Variants in SYCE2 observed in about 807,000 individuals in gnomAD.
SYCE2 encodes the protein synaptonemal complex central element protein 2, also known as central element synaptonemal complex 1.
A neutral mutation model predicts 27.9 loss-of-function variants in SYCE2; 3 were observed. The ratio of observed to expected loss-of-function variants is 0.11; its 90% CI spans 0.05 to 0.28. SYCE2 has a LOEUF of 0.28. Ranked by LOEUF, SYCE2 falls within the 10% of genes least tolerant of loss-of-function variation. The pLI, the probability that SYCE2 is intolerant of heterozygous loss-of-function variation, is 1.00. For synonymous variants in SYCE2, 85 were observed against 100.7 expected, an observed-to-expected ratio of 0.84 and a Z score of 0.93; for missense variants, 207 against 263.5, an observed-to-expected ratio of 0.79 and a Z score of 1.48.
chr19:12,912,719 CT>C (rs765289353), intron 2 of SYCE2, among the ~76,000 whole-genome samples: 10 of 151,688 alleles, frequency 6.6e-5, no homozygotes, highest in Non-Finnish European at 1.3e-4. Flanking sequence ...AGAGCTGCTC[CT>C]TTTTAAGGCT....
intron 2 of SYCE2, among the ~76,000 whole-genome samples, chr19:12,912,985 C>T (rs893772002): frequency 2.0e-5 from 3 of 152,200 alleles, no homozygotes; most frequent in African/African-American, 7.2e-5. Context: ...CCTGCATTCA[C>T]CAATTAACTT....
intron 3 of SYCE2, 161 bp from the exon 4 acceptor site, chr19:12,900,809 C>T (rs1450456376): frequency 3.0e-6 from 2 of 660,040 alleles, no homozygotes; most frequent in East Asian, 5.6e-5. Flanking sequence ...TTTGGTAGGC[C>T]AAGGTGGGTG....
At chr19:12,900,276 T>C in intron 4 of SYCE2, 156 bp from the exon 5 acceptor site, 1 of 1,108,286 alleles carries the variant, frequency 9.0e-7, no homozygotes, top group Non-Finnish European at 1.3e-6. Context: ...GTTTGGCTTC[T>C]CAGCTCAGAC....
At chr19:12,900,929 TA>T (rs1203540841) in intron 3 of SYCE2, among the ~76,000 whole-genome samples, 1 of 151,942 alleles carries the variant, frequency 6.6e-6, no homozygotes, top group African/African-American at 2.4e-5. Context: ...CCTGTAATCC[TA>T]ACACTTTGGG....
At chr19:12,910,621 C>T (rs1329277233) in intron 2 of SYCE2, among the ~76,000 whole-genome samples, 2 of 151,900 alleles carry the variant, frequency 1.3e-5, no homozygotes, top group Non-Finnish European at 2.9e-5. Flanking sequence ...GATCCGCCTG[C>T]TTCGGCCTCC....
At chr19:12,912,692 T>C (rs183117347) in intron 2 of SYCE2, among the ~76,000 whole-genome samples, 12 of 152,230 alleles carry the variant, frequency 7.9e-5, no homozygotes, top group Admixed American at 2.0e-4. Context: ...ACAACCTGCT[T>C]GAGCTGCTAA....
At chr19:12,909,290 G>A (rs1378136872) in intron 2 of SYCE2, among the ~76,000 whole-genome samples, 1 of 152,134 alleles carries the variant, frequency 6.6e-6, no homozygotes, top group African/African-American at 2.4e-5. Flanking sequence ...CCCAGCCCAT[G>A]CCTCTCTCCT....
chr19:12,919,218 C>A (rs1490831877), intron 1 of SYCE2, 25 bp downstream of exon 1: 1 of 1,610,456 alleles, frequency 6.2e-7, no homozygotes, highest in South Asian at 1.1e-5. Flanking sequence ...GCCCCACGCG[C>A]GAGAAGGAAA....
Position 12,899,174 on chromosome 19 carries a change from G to A in SYCE2, c.*167C>T. On this transcript the variant is annotated 3_prime_UTR_variant, in exon 6 of 6. Transcript: ENST00000293695. ...AAGCCTGGGCCTATGGCAGGGGCTGGACTTGCTACATTTTGGGAGTTCAGC... is the reference window on the plus strand; with the variant it reads ...AAGCCTGGGCCTATGGCAGGGGCTGAACTTGCTACATTTTGGGAGTTCAGC... The A allele has an allele frequency of 1.5e-6, 1 of 649,766 alleles. No homozygotes were observed. Among genetic ancestry groups the A allele is most frequent in the African/African-American group, 1.8e-5 (1 of 55,176 alleles). 40.3% of individuals were successfully genotyped at this position (649,766 alleles called of 1,614,324 possible).
At chr19:12,908,806 T>G (rs1970988979) in intron 2 of SYCE2, among the ~76,000 whole-genome samples, 1 of 152,154 alleles carries the variant, frequency 6.6e-6, no homozygotes, top group African/African-American at 2.4e-5. Context: ...CACCCTTCCC[T>G]GCTACTCCCG....
chr19:12,899,781 A>T (rs1386481937), intron 5 of SYCE2: 1 of 1,599,060 alleles, frequency 6.3e-7, no homozygotes, highest in East Asian at 2.2e-5. Flanking sequence ...ATGAGAGCAG[A>T]CTCCATTTAC....
chr19:12,899,841 G>GTC, intron 5 of SYCE2, 163 bp downstream of exon 5: 1 of 1,570,526 alleles, frequency 6.4e-7, no homozygotes, highest in East Asian at 2.2e-5. Flanking sequence ...AAGCAACTCC[G>GTC]TCTGCTGCAG....
At chr19:12,903,818 G>A (rs961913721) in intron 3 of SYCE2, among the ~76,000 whole-genome samples, 3 of 151,548 alleles carry the variant, frequency 2.0e-5, no homozygotes, top group Non-Finnish European at 4.4e-5. Context: ...GGCTGGTCTC[G>A]AACTCCTGGC....
At chr19:12,914,904 C>A (rs886201485) in intron 2 of SYCE2, among the ~76,000 whole-genome samples, 3 of 152,196 alleles carry the variant, frequency 2.0e-5, no homozygotes, top group Non-Finnish European at 4.4e-5. Context: ...CCATCGTGCC[C>A]GGCCTGCAGC....
chr19:12,918,750 G>A (rs1437815718), intron 1 of SYCE2, among the ~76,000 whole-genome samples: 1 of 151,980 alleles, frequency 6.6e-6, no homozygotes, highest in African/African-American at 2.4e-5. Flanking sequence ...TCAGGAGTGC[G>A]AGAACAGCCT....
intron 2 of SYCE2, among the ~76,000 whole-genome samples, chr19:12,908,071 A>G (rs1970970710): frequency 6.6e-6 from 1 of 151,570 alleles, no homozygotes; most frequent in African/African-American, 2.4e-5. Context: ...TGATCATGCC[A>G]CTGCACTGGA....
In SYCE2 at chr19:12,916,996, A is replaced by G. The variant is rs57055489; in HGVS notation, c.131+1226T>C. The stretch of plus-strand genomic sequence containing the variant: ...AAATCCTGACCTCAAGTTATCTGCC[A>G]GCGCCAGCCTCCCAAAGTGCTGGGA... On this transcript the variant is annotated intron_variant, in intron 2 of 5. Transcript: ENST00000293695. Among the ~76,000 whole-genome samples, 665 of 151,588 alleles carry G rather than the reference A, an allele frequency of 4.4e-3. 5 individuals are homozygous for G. The highest frequency in any genetic ancestry group is 0.015 in the African/African-American group (607 of 41,280).
Position 12,918,812 on chromosome 19 carries a change from G to T in SYCE2, c.15+431C>A, listed in dbSNP as rs144685807. Among the ~76,000 whole-genome samples the T allele has an allele frequency of 3.7e-3, 558 of 151,988 alleles. 14 individuals carry two copies. Among genetic ancestry groups the T allele is most frequent in the Middle Eastern group, 3.4e-3 (1 of 294 alleles). The stretch of plus-strand genomic sequence containing the variant: ...ACTAAAAATACAAAAATTAGCTGAC[G>T]TGGTGGTGCGTGCCTGTAATCCCAG... On this transcript the variant is annotated intron_variant, in intron 1 of 5. Coordinates refer to ENST00000293695, the MANE Select transcript of SYCE2 (RefSeq NM_001105578.2).
chr19:12,908,628 T>G (rs1970986490), intron 2 of SYCE2, among the ~76,000 whole-genome samples: 1 of 152,120 alleles, frequency 6.6e-6, no homozygotes, highest in African/African-American at 2.4e-5. Flanking sequence ...CCGGCCATCC[T>G]GGGCTTATTT....
Sources: allele counts gnomAD v4.1 joint callset (sites outside exome capture counted in the v4.1 genomes callset), GRCh38; gene constraint gnomAD v4.1.1; transcripts MANE v1.5; gene names NCBI Gene and HGNC (gene_info 2026-07-23, HGNC 2026-07-21).